The following PTX3 variants were observed in gnomAD, a reference collection of about 807,000 sequenced individuals.
The protein encoded by PTX3 is pentraxin-related protein PTX3.
In PTX3, 24 loss-of-function variants were observed where a neutral mutation model predicts 23.5. The ratio of observed to expected loss-of-function variants is 1.02; its 90% CI spans 0.74 to 1.43. The LOEUF (loss-of-function observed/expected upper bound fraction) is 1.43. Among genes scored for constraint, PTX3 ranks in the 40% most tolerant of loss-of-function variants. PTX3 has a pLI of 0.00. For synonymous variants in PTX3, 218 were observed against 205.4 expected (o/e 1.06, Z -0.53); for missense variants, 510 against 497.5 (o/e 1.02, Z -0.24).
In PTX3 at chr3:157,436,854, T is replaced by C. The variant is rs1255636594; in HGVS notation, c.-80T>C. 4 of 1,467,538 alleles carry C rather than the reference T, an allele frequency of 2.7e-6. No homozygotes were observed. The highest frequency in any genetic ancestry group is 1.2e-5 in the South Asian group (1 of 81,998). 90.9% of individuals were successfully genotyped at this position (1,467,538 alleles called of 1,614,324 possible). ...GACTCTCTGCTCCAGCCTCTCACTCTCACTCTCCTCCGCTCAAACTCAGCT... is the reference window on the plus strand; with the variant it reads ...GACTCTCTGCTCCAGCCTCTCACTCCCACTCTCCTCCGCTCAAACTCAGCT... On this transcript the variant is annotated 5_prime_UTR_variant, in exon 1 of 3. Transcript: ENST00000295927.
rs1211588515 is a variant in PTX3, at chr3:157,437,524, G to A, written c.142G>A (p.Ala48Thr). Residue 48 changes from alanine (A) to threonine (T), a missense_variant, in exon 2 of 3, where the codon GCC becomes ACC. By Grantham distance (58) the Ala-to-Thr change is moderately conservative. Transcript: ENST00000295927. ...LHPTEDPTPCACGQEHSEWDK... is the reference protein window; with the variant it reads ...LHPTEDPTPCTCGQEHSEWDK... ...ATCCCGTACTCTAGCCACGCCGTGC[G>A]CCTGCGGTCAGGAGCACTCGGAATG... 3 of 1,605,876 alleles carry A rather than the reference G, an allele frequency of 1.9e-6. No individual in the cohort carries two copies. Among genetic ancestry groups the A allele is most frequent in the Non-Finnish European group, 1.7e-6 (2 of 1,177,658 alleles).
At chr3:157,438,372 A>G (rs1733840666) in intron 2 of PTX3, among the ~76,000 whole-genome samples, 1 of 151,746 alleles carries the variant, frequency 6.6e-6, no homozygotes, top group Non-Finnish European at 1.5e-5. Flanking sequence ...TTCCCGCACT[A>G]TTTCAGGGCC....
chr3:157,437,957 T>A, intron 2 of PTX3, 43 bp downstream of exon 2: 2 of 1,513,892 alleles, frequency 1.3e-6, no homozygotes, highest in Non-Finnish European at 1.8e-6. Flanking sequence ...TGCGGCTTTG[T>A]TCCGGGAGCG....
chr3:157,442,349 T>A lies in PTX3; in HGVS notation c.533-17T>A. Reference sequence around the variant, plus strand: ...TATATTTTCTTTAATATTCTTCTTATTTTCTTGCTACTCTAGGTTGTGAAA... The same window carrying A: ...TATATTTTCTTTAATATTCTTCTTAATTTCTTGCTACTCTAGGTTGTGAAA... On this transcript the variant is annotated splice_polypyrimidine_tract_variant and intron_variant, in intron 2 of 2. Coordinates refer to ENST00000295927, the MANE Select transcript of PTX3 (RefSeq NM_002852.4). The A allele has an allele frequency of 1.3e-6, 2 of 1,551,178 alleles. No individual in the cohort carries two copies. The highest frequency in any genetic ancestry group is 1.8e-6 in the Non-Finnish European group (2 of 1,140,358).
At chr3:157,440,483 A>G (rs1204941089) in intron 2 of PTX3, among the ~76,000 whole-genome samples, 1 of 152,054 alleles carries the variant, frequency 6.6e-6, no homozygotes, top group Non-Finnish European at 1.5e-5. Flanking sequence ...TTCTGGAACC[A>G]TTCTGGGAGT....
intron 2 of PTX3, among the ~76,000 whole-genome samples, chr3:157,442,035 T>TA (rs112549808): frequency 7.2e-5 from 11 of 152,078 alleles, no homozygotes; most frequent in South Asian, 4.1e-4. Context: ...TCAACTTTTT[T>TA]AAAAAAAAGC....
chr3:157,438,302 C>A (rs900122708), intron 2 of PTX3, among the ~76,000 whole-genome samples: 1 of 152,046 alleles, frequency 6.6e-6, no homozygotes, highest in African/African-American at 2.4e-5. Context: ...AGCTTCCCTC[C>A]GTTAGGGATT....
intron 2 of PTX3, 101 bp downstream of exon 2, chr3:157,438,015 T>C: frequency 1.5e-6 from 2 of 1,353,048 alleles, no homozygotes; most frequent in Non-Finnish European, 2.0e-6. Flanking sequence ...GAAGCTTTCA[T>C]GGGAAGCGCG....
intron 2 of PTX3, among the ~76,000 whole-genome samples, chr3:157,441,460 G>T (rs946856408): frequency 3.9e-5 from 6 of 152,154 alleles, no homozygotes; most frequent in African/African-American, 4.8e-5. Flanking sequence ...TTCAAAGGTA[G>T]TTTTCTAAAA....
At chr3:157,440,223 A>G (rs1734012359) in intron 2 of PTX3, among the ~76,000 whole-genome samples, 1 of 152,234 alleles carries the variant, frequency 6.6e-6, no homozygotes, top group Non-Finnish European at 1.5e-5. Context: ...AAAAGTTCAA[A>G]TTATTTAGTG....
At chr3:157,437,944 C>T (rs898275695) in intron 2 of PTX3, 30 bp downstream of exon 2, 3 of 1,525,348 alleles carry the variant, frequency 2.0e-6, no homozygotes, top group African/African-American at 2.8e-5. Flanking sequence ...CGGGACCTCC[C>T]ACTGCGGCTT....
Position 157,442,914 on chromosome 3 carries a change from G to A in PTX3, c.1081G>A (p.Gly361Arg), listed in dbSNP as rs1360310510. ...TGGAESCHIR[G>R]NIVGWGVTEI... is the part of the protein sequence containing the mutation. ...AGGAGCAGAGTCTTGTCACATCCGG[G>A]GGAATATTGTTGGGTGGGGAGTCAC... The change falls in exon 3 of 3, where the codon GGG becomes AGG. Residue 361 changes from glycine to arginine, a missense_variant. Coordinates refer to ENST00000295927, the MANE Select transcript of PTX3 (RefSeq NM_002852.4). 3 of 1,614,060 alleles carry A rather than the reference G, an allele frequency of 1.9e-6. No individual in the cohort carries two copies. The highest frequency in any genetic ancestry group is 2.5e-6 in the Non-Finnish European group (3 of 1,179,936).
intron 2 of PTX3, among the ~76,000 whole-genome samples, chr3:157,441,163 G>T (rs1219741051): frequency 6.6e-6 from 1 of 152,148 alleles, no homozygotes; most frequent in Non-Finnish European, 1.5e-5. Context: ...CCCTCCTAGA[G>T]AAATCTAGGG....
intron 2 of PTX3, among the ~76,000 whole-genome samples, chr3:157,441,809 CA>C (rs34525960): frequency 0.021 from 2,624 of 125,258 alleles, 35 homozygotes; most frequent in African/African-American, 0.047. Flanking sequence ...GACTCTGTCT[CA>C]AAAAAAAAAA....
At chr3:157,440,982 A>G (rs1236847158) in intron 2 of PTX3, among the ~76,000 whole-genome samples, 3 of 152,200 alleles carry the variant, frequency 2.0e-5, no homozygotes, top group African/African-American at 4.8e-5. Context: ...TTTTAAACAC[A>G]TTTTTGGTCT....
chr3:157,438,264 G>A (rs1733831466), intron 2 of PTX3, among the ~76,000 whole-genome samples: 1 of 152,054 alleles, frequency 6.6e-6, no homozygotes, highest in South Asian at 2.1e-4. Context: ...CCACTGGCCC[G>A]TTATAACCGT....
chr3:157,443,361 T>C lies in PTX3; in HGVS notation c.*382T>C, dbSNP rs1279402521. 1 of 178,708 alleles carries C rather than the reference T, an allele frequency of 5.6e-6. No homozygotes were observed. Among genetic ancestry groups the C allele is most frequent in the Non-Finnish European group, 1.2e-5 (1 of 83,398 alleles). 11.1% of individuals were successfully genotyped at this position (178,708 alleles called of 1,614,324 possible). A position where few individuals can be genotyped will look rare whatever the true frequency, so the allele number is the denominator to read the frequency against. ...ATTGGAAGAATAACAAAATAAGATTTGTTGTCCATTGTTCATTGTTATTGG... is the reference window on the plus strand; with the variant it reads ...ATTGGAAGAATAACAAAATAAGATTCGTTGTCCATTGTTCATTGTTATTGG... On this transcript the variant is annotated 3_prime_UTR_variant, in exon 3 of 3. Transcript: ENST00000295927.
chr3:157,438,031 G>GCACACA lies in PTX3; in HGVS notation c.532+118_532+119insACACAC, dbSNP rs1213951055. On this transcript the variant is annotated intron_variant, in intron 2 of 2. Transcript: ENST00000295927. ...AAGCTTTCATGGGAAGCGCGCGCGC[G>GCACACA]CGCGCGCACACACACACACACACAC... The GCACACA allele has an allele frequency of 1.9e-4, 156 of 820,242 alleles. No homozygotes were observed. The African/African-American group carries it at 3.0e-3, about 16-fold the overall frequency. The allele number at this position is 820,242 out of a possible 1,614,324, so 50.8% of individuals were successfully genotyped here.
chr3:157,443,103 G>C lies in PTX3; in HGVS notation c.*124G>C. 1 of 1,171,510 alleles carries C rather than the reference G, an allele frequency of 8.5e-7. No individual in the cohort carries two copies. The highest frequency in any genetic ancestry group is 1.2e-6 in the Non-Finnish European group (1 of 847,428). The allele number at this position is 1,171,510 out of a possible 1,614,324, so 72.6% of individuals were successfully genotyped here. A position where few individuals can be genotyped will look rare whatever the true frequency, so the allele number is the denominator to read the frequency against. ...TGAGACTAATGAAAGAGAGAGTTGA[G>C]ACCAATCTTTATTTGTACTGGCCAA... is the stretch of plus-strand genomic sequence containing the variant. On this transcript the variant is annotated 3_prime_UTR_variant, in exon 3 of 3. Transcript: ENST00000295927.
Sources: allele counts gnomAD v4.1 joint callset (sites outside exome capture counted in the v4.1 genomes callset), GRCh38; gene constraint gnomAD v4.1.1; transcripts MANE v1.5; gene names NCBI Gene and HGNC (gene_info 2026-07-23, HGNC 2026-07-21).